The following LMX1A variants were observed in gnomAD, a reference collection of about 807,000 sequenced individuals.
LMX1A encodes the protein LIM homeobox transcription factor 1 alpha, also known as LIM homeobox transcription factor 1-alpha.
LMX1A carries 15 observed loss-of-function variants against 49.1 expected under a neutral mutation model. The observed-to-expected ratio is 0.31, with a 90% CI of 0.20 to 0.47. The LOEUF is 0.47. Ranked by LOEUF, LMX1A falls within the 20% of genes least tolerant of loss-of-function variation. The pLI, the probability that LMX1A is intolerant of heterozygous loss-of-function variation, is 1.00. For synonymous variants in LMX1A, 167 were observed against 185.7 expected, an observed-to-expected ratio of 0.90 and a Z score of 0.82; for missense variants, 372 against 475.8, an observed-to-expected ratio of 0.78 and a Z score of 2.03.
chr1:165,326,415 C>T (rs957512423), intron 3 of LMX1A, among the ~76,000 whole-genome samples: 5 of 152,222 alleles, frequency 3.3e-5, no homozygotes, highest in African/African-American at 1.2e-4. Context: ...ATGTGTTCCT[C>T]TCTCTCCTGC....
intron 5 of LMX1A, among the ~76,000 whole-genome samples, chr1:165,211,896 G>A (rs1216818163): frequency 1.3e-5 from 2 of 152,128 alleles, no homozygotes; most frequent in Non-Finnish European, 2.9e-5. Context: ...TGGTGTTACA[G>A]TAATGTGTAC....
At chr1:165,333,971 C>A (rs1194542056) in intron 3 of LMX1A, among the ~76,000 whole-genome samples, 2 of 152,162 alleles carry the variant, frequency 1.3e-5, no homozygotes, top group African/African-American at 4.8e-5. Context: ...ATTTGACAAC[C>A]ACCTGTGACA....
chr1:165,282,761 T>C (rs534138734), intron 3 of LMX1A, among the ~76,000 whole-genome samples: 1 of 152,296 alleles, frequency 6.6e-6, no homozygotes, highest in East Asian at 1.9e-4. Context: ...CTTCAACCAG[T>C]CCTTCTAGGC....
At chr1:165,221,138 A>G (rs1043137485) in intron 4 of LMX1A, among the ~76,000 whole-genome samples, 2 of 151,972 alleles carry the variant, frequency 1.3e-5, no homozygotes, top group Admixed American at 6.6e-5. Context: ...TTCAACCCCT[A>G]TCTCTCCCTA....
chr1:165,311,134 C>T (rs564603133), intron 3 of LMX1A, among the ~76,000 whole-genome samples: 86 of 152,212 alleles, frequency 5.7e-4, no homozygotes, highest in African/African-American at 1.9e-3. Context: ...TTTTTTCTTC[C>T]GCCAGGGCCC....
At chr1:165,209,916 C>T (rs1164026703) in intron 6 of LMX1A, among the ~76,000 whole-genome samples, 1 of 152,186 alleles carries the variant, frequency 6.6e-6, no homozygotes, top group African/African-American at 2.4e-5. Flanking sequence ...AACCCTCAAC[C>T]TGTGAAATCT....
At chr1:165,290,441 C>CTT (rs1553209521) in intron 3 of LMX1A, among the ~76,000 whole-genome samples, 1 of 149,872 alleles carries the variant, frequency 6.7e-6, no homozygotes, top group Non-Finnish European at 1.5e-5. Flanking sequence ...ACATTGCCTT[C>CTT]GTGTGTGTGT....
chr1:165,339,255 C>A (rs1353932346), intron 3 of LMX1A, among the ~76,000 whole-genome samples: 1 of 152,200 alleles, frequency 6.6e-6, no homozygotes, highest in Non-Finnish European at 1.5e-5. Flanking sequence ...TGTGTTACTG[C>A]AGTCTGGTTA....
intron 4 of LMX1A, among the ~76,000 whole-genome samples, chr1:165,238,495 C>T (rs1213262807): frequency 6.6e-6 from 1 of 152,164 alleles, no homozygotes; most frequent in Non-Finnish European, 1.5e-5. Context: ...TTCAAAGCCT[C>T]CTATTGCCTT....
At chr1:165,229,029 C>A (rs1369904582) in intron 4 of LMX1A, among the ~76,000 whole-genome samples, 1 of 152,022 alleles carries the variant, frequency 6.6e-6, no homozygotes, top group Non-Finnish European at 1.5e-5. Flanking sequence ...TAGAAATGAT[C>A]TCTGCAGCCT....
intron 4 of LMX1A, among the ~76,000 whole-genome samples, chr1:165,246,280 G>A (rs928680685): frequency 1.3e-5 from 2 of 152,100 alleles, no homozygotes; most frequent in East Asian, 1.9e-4. Flanking sequence ...GGCAAGCTTT[G>A]GCACACAGAA....
At chr1:165,254,124 A>T (rs536229840) in intron 3 of LMX1A, among the ~76,000 whole-genome samples, 1 of 152,330 alleles carries the variant, frequency 6.6e-6, no homozygotes, top group East Asian at 1.9e-4. Flanking sequence ...AAATGCTCCC[A>T]GGGAGTCAAC....
At chr1:165,220,502 C>A (rs574021278) in intron 4 of LMX1A, among the ~76,000 whole-genome samples, 26 of 152,194 alleles carry the variant, frequency 1.7e-4, no homozygotes, top group African/African-American at 5.8e-4. Flanking sequence ...CTTATTGGAG[C>A]CTTCCACCTA....
At chr1:165,208,791 C>T (rs1030180640) in intron 6 of LMX1A, among the ~76,000 whole-genome samples, 31 of 151,960 alleles carry the variant, frequency 2.0e-4, no homozygotes, top group Admixed American at 1.8e-3. Flanking sequence ...GGACTACAGG[C>T]GCCCGCCACT....
Position 165,249,613 on chromosome 1 carries a change from G to C in LMX1A, c.291C>G (p.Cys97Trp). Reference sequence around the variant, plus strand: ...ACTCATTGGGAGCGATGGCCTCGAAGCAGCCCCCACATTTAACAGCAAACA... The same window carrying C: ...ACTCATTGGGAGCGATGGCCTCGAACCAGCCCCCACATTTAACAGCAAACA... Reference protein sequence around the residue: ...EKLFAVKCGGCFEAIAPNEFV... With the variant: ...EKLFAVKCGGWFEAIAPNEFV... Residue 97 changes from cysteine (C) to tryptophan (W), a missense_variant, in exon 4 of 9, where the codon TGC becomes TGG. Physicochemically the swap from Cys to Trp is radical, Grantham distance 215. Coordinates refer to ENST00000342310, the MANE Select transcript of LMX1A (RefSeq NM_177398.4). 1 of 1,614,132 alleles carries C rather than the reference G, an allele frequency of 6.2e-7. No homozygotes were observed. The highest frequency in any genetic ancestry group is 1.7e-5 in the Admixed American group (1 of 60,014).
chr1:165,258,981 G>A (rs1196451304), intron 3 of LMX1A, among the ~76,000 whole-genome samples: 44 of 152,180 alleles, frequency 2.9e-4, no homozygotes, highest in Admixed American at 2.8e-3. Flanking sequence ...AGTAAGTAGT[G>A]TATTTTAAGT....
intron 3 of LMX1A, among the ~76,000 whole-genome samples, chr1:165,261,088 A>AC (rs1273838356): frequency 6.6e-6 from 1 of 152,226 alleles, no homozygotes; most frequent in Non-Finnish European, 1.5e-5. Flanking sequence ...GAGCCTGTGC[A>AC]CAGAAGCTCA....
Position 165,355,619 on chromosome 1 carries a change from C to G in LMX1A, c.-22-38G>C. The G allele has an allele frequency of 2.0e-6, 3 of 1,516,230 alleles. No homozygotes were observed. Among genetic ancestry groups the G allele is most frequent in the Non-Finnish European group, 2.7e-6 (3 of 1,100,942 alleles). 93.9% of individuals were successfully genotyped at this position (1,516,230 alleles called of 1,614,324 possible). A position where few individuals can be genotyped will look rare whatever the true frequency, so the allele number is the denominator to read the frequency against. On this transcript the variant is annotated intron_variant, in intron 1 of 8. Transcript: ENST00000342310. The surrounding 1 kb of genome is among the most constrained non-coding windows in gnomAD (Gnocchi z 4.7). ...AGAAACGATGCGTCTGACGTCCGTG[C>G]CCGCTGGGACTCGGCGCCAGCAGCC...
chr1:165,225,380 C>T (rs1156999435), intron 4 of LMX1A, among the ~76,000 whole-genome samples: 4 of 152,198 alleles, frequency 2.6e-5, no homozygotes, highest in African/African-American at 9.6e-5. Context: ...CCACTACAAT[C>T]ATTCGGAAAT....
Sources: allele counts gnomAD v4.1 joint callset (sites outside exome capture counted in the v4.1 genomes callset), GRCh38; gene constraint gnomAD v4.1.1; non-coding constraint Gnocchi (gnomAD v3.1); transcripts MANE v1.5; gene names NCBI Gene and HGNC (gene_info 2026-07-23, HGNC 2026-07-21).